SPATA7: variants seen among roughly 807,000 people sequenced by gnomAD.
The protein encoded by SPATA7 is spermatogenesis associated 7.
A neutral mutation model predicts 51.8 loss-of-function variants in SPATA7; 43 were observed. The ratio of observed to expected loss-of-function variants is 0.83; its 90% CI spans 0.65 to 1.07. The LOEUF (loss-of-function observed/expected upper bound fraction) is 1.07. Among genes scored for constraint, SPATA7 ranks in the 50% least tolerant of loss-of-function variants. The pLI is 0.00. For synonymous variants in SPATA7, 230 were observed against 252.8 expected (o/e 0.91, Z 0.86); for missense variants, 683 against 701.3 (o/e 0.97, Z 0.30).
At chr14:88,444,791 T>C (rs1267875475) in intron 3 of SPATA7, among the ~76,000 whole-genome samples, 2 of 152,208 alleles carry the variant, frequency 1.3e-5, no homozygotes, top group Admixed American at 1.3e-4. Flanking sequence ...GATCAGATAG[T>C]TGTAGATATG....
downstream of SPATA7, among the ~76,000 whole-genome samples, chr14:88,443,303 T>G (rs895230649): frequency 6.6e-6 from 1 of 152,206 alleles, no homozygotes; most frequent in African/African-American, 2.4e-5. Context: ...TTGGTCTGTT[T>G]AGAGTTTTCT....
At chr14:88,454,516 C>G (rs1408317189) in intron 3 of SPATA7, among the ~76,000 whole-genome samples, 1 of 152,030 alleles carries the variant, frequency 6.6e-6, no homozygotes, top group Non-Finnish European at 1.5e-5. Context: ...TTAAAATGGC[C>G]TAAATTAGCT....
downstream of SPATA7, among the ~76,000 whole-genome samples, chr14:88,440,196 A>T (rs1266148135): frequency 6.6e-6 from 1 of 152,064 alleles, no homozygotes; most frequent in Non-Finnish European, 1.5e-5. Flanking sequence ...TGGAGCTACC[A>T]TCTGTCTTTC....
intron 10 of SPATA7, among the ~76,000 whole-genome samples, chr14:88,433,529 T>G: frequency 6.6e-6 from 1 of 152,190 alleles, no homozygotes; most frequent in South Asian, 2.1e-4. Context: ...AATCCCATTT[T>G]ACTACCTAAA....
intron 8 of SPATA7, 88 bp downstream of exon 8, chr14:88,429,551 T>C: frequency 1.3e-6 from 1 of 787,578 alleles, no homozygotes; most frequent in Non-Finnish European, 2.2e-6. Flanking sequence ...ATAAGTACTA[T>C]TTAATTGCAT....
At chr14:88,427,753 T>C in intron 7 of SPATA7, 57 bp downstream of exon 7, 1 of 1,212,122 alleles carries the variant, frequency 8.2e-7, no homozygotes, top group Non-Finnish European at 1.2e-6. Context: ...TGTTTTTCAG[T>C]AAATAGAATA....
chr14:88,451,832 A>AT (rs1010107241), intron 3 of SPATA7, among the ~76,000 whole-genome samples: 7 of 151,690 alleles, frequency 4.6e-5, no homozygotes, highest in East Asian at 1.9e-4. Context: ...GCCCTATATC[A>AT]TTTTTTTTAT....
chr14:88,446,145 A>G lies in SPATA7; in HGVS notation c.177+8242A>G, dbSNP rs548036362. Among the ~76,000 whole-genome samples, 7 of 152,332 alleles carry G rather than the reference A, an allele frequency of 4.6e-5. No individual in the cohort carries two copies. In the East Asian group the frequency reaches 1.4e-3, roughly 29 times the overall value. On this transcript the variant is annotated intron_variant, in intron 3 of 3. Coordinates refer to the SPATA7 transcript ENST00000554802. ...CTCTTTGGTTGGTAAGCTATTGATT[A>G]TTGCCACAATTTCAGATCCTGTTAT... is the stretch of plus-strand genomic sequence containing the variant.
chr14:88,452,169 AC>A (rs1040236875), intron 3 of SPATA7, among the ~76,000 whole-genome samples: 3 of 152,086 alleles, frequency 2.0e-5, no homozygotes, highest in African/African-American at 7.2e-5. Flanking sequence ...TGAGAGCCAA[AC>A]TGCAGTGATT....
At chr14:88,443,813 T>C (rs1381627480) in intron 3 of SPATA7, among the ~76,000 whole-genome samples, 1 of 152,222 alleles carries the variant, frequency 6.6e-6, no homozygotes, top group East Asian at 1.9e-4. Context: ...GGACATAAAC[T>C]CATCCTTTTT....
Position 88,438,334 on chromosome 14 carries a change from GT to G in SPATA7, c.1713del (p.Ser571ArgfsTer20), listed in dbSNP as rs779622519. The G allele has an allele frequency of 1.2e-6, 2 of 1,613,908 alleles. No homozygotes were observed. The highest frequency in any genetic ancestry group is 2.7e-5 in the African/African-American group (2 of 74,920). ...TSPSQSVQFSSVKGDNNHDME... is the reference protein window; with the variant it reads ...TSPSQSVQFSXVKGDNNHDME... ...CCCTCCCAATCTGTTCAGTTCTCCA[GT>G]GTCAAAGGCGACAATAATCATGACA... On this transcript the variant is annotated frameshift_variant, in exon 12 of 12. Transcript: ENST00000393545. LOFTEE classifies it low-confidence loss of function (END_TRUNC).
intron 3 of SPATA7, among the ~76,000 whole-genome samples, chr14:88,443,807 AT>A (rs1396901593): frequency 3.3e-5 from 5 of 152,232 alleles, no homozygotes; most frequent in African/African-American, 4.8e-5. Context: ...CACAAAGGAC[AT>A]AAACTCATCC....
chr14:88,432,845 C>T (rs555472543), intron 9 of SPATA7: 16 of 279,986 alleles, frequency 5.7e-5, no homozygotes, highest in Admixed American at 1.5e-4. Flanking sequence ...CCTTGTCCTT[C>T]GTTGCTTTCT....
intron 3 of SPATA7, among the ~76,000 whole-genome samples, chr14:88,449,378 TG>T (rs2077235509): frequency 6.6e-6 from 1 of 152,192 alleles, no homozygotes; most frequent in Non-Finnish European, 1.5e-5. Flanking sequence ...TTATTTGGCA[TG>T]GTTTTGAGGG....
chr14:88,426,320 C>T lies in SPATA7; in HGVS notation c.461C>T (p.Ser154Leu), dbSNP rs763637439. Residue 154 changes from serine (S) to leucine (L), a missense_variant, in exon 6 of 12, where the codon TCA becomes TTA. By Grantham distance (145) the Ser-to-Leu change is moderately radical. Transcript: ENST00000393545. ...TTTGCAAGGTCACTAGTACCCTCTTCAGAGAGACTACACCTAAGTCTACAT... is the reference window on the plus strand; with the variant it reads ...TTTGCAAGGTCACTAGTACCCTCTTTAGAGAGACTACACCTAAGTCTACAT... ...SSFARSLVPS[S>L]ERLHLSLHKS... The T allele has an allele frequency of 2.5e-6, 4 of 1,613,962 alleles. No individual in the cohort carries two copies. The African/African-American group carries it at 4.0e-5, about 16-fold the overall frequency.
chr14:88,461,211 G>A (rs1029494029), intron 4 of SPATA7, among the ~76,000 whole-genome samples: 1 of 152,134 alleles, frequency 6.6e-6, no homozygotes, highest in Non-Finnish European at 1.5e-5. Context: ...CTCCTTTCTG[G>A]GAGAACCACT....
intron 4 of SPATA7, among the ~76,000 whole-genome samples, chr14:88,410,166 A>G (rs1378938126): frequency 6.6e-6 from 1 of 151,974 alleles, no homozygotes; most frequent in Non-Finnish European, 1.5e-5. Flanking sequence ...TGTCTTGTTG[A>G]TCTCTTTAAT....
intron 4 of SPATA7, among the ~76,000 whole-genome samples, chr14:88,409,815 A>G (rs144496361): frequency 6.6e-6 from 1 of 152,302 alleles, no homozygotes; most frequent in East Asian, 1.9e-4. Flanking sequence ...GTTTCAAAGA[A>G]CTTATTTATT....
chr14:88,468,566 GT>G (rs2077402302), intron 4 of SPATA7, among the ~76,000 whole-genome samples: 5 of 152,164 alleles, frequency 3.3e-5, no homozygotes, highest in African/African-American at 9.7e-5. Flanking sequence ...AAAACATAGT[GT>G]GCTAAGTGCT....
Sources: gnomAD v4.1 joint callset for allele counts (sites outside exome capture counted in the v4.1 genomes callset) on GRCh38, gnomAD v4.1.1 for gene constraint, MANE v1.5 for transcripts, NCBI Gene and HGNC (gene_info 2026-07-23, HGNC 2026-07-21) for gene names.